RBFOX1: variants seen among roughly 807,000 people sequenced by gnomAD.
The protein encoded by RBFOX1 is RNA binding protein fox-1 homolog 1.
RBFOX1 carries 8 observed loss-of-function variants against 57.7 expected under a neutral mutation model. The ratio of observed to expected loss-of-function variants is 0.14; its 90% CI spans 0.08 to 0.25. RBFOX1 has a LOEUF of 0.25. Among genes scored for constraint, RBFOX1 ranks in the 10% least tolerant of loss-of-function variants. RBFOX1 has a pLI of 1.00. For missense variants in RBFOX1, 611 were observed against 548.5 expected, an observed-to-expected ratio of 1.11 and a Z score of -1.14; for synonymous variants, 326 against 222.4, an observed-to-expected ratio of 1.47 and a Z score of -4.15.
rs138608542 is a variant in RBFOX1, at chr16:5,969,946, T to C, written c.351+102611T>C. 2.6e-5 allele frequency among the ~76,000 whole-genome samples: 4 copies of C among 152,204 alleles called. No individual in the cohort carries two copies. In the East Asian group the frequency reaches 7.8e-4, roughly 30 times the overall value. ...TGGAGTTTGAACGTTTGCAGGGAGT[T>C]GACCACATCTGTTGCTTCGCAGCTC... is the stretch of plus-strand genomic sequence containing the variant. On this transcript the variant is annotated intron_variant, in intron 4 of 19. Coordinates refer to the RBFOX1 transcript ENST00000641259.
intron 7 of RBFOX1, 67 bp downstream of exon 7, chr16:7,587,367 A>G: frequency 5.6e-6 from 8 of 1,419,092 alleles, no homozygotes; most frequent in Non-Finnish European, 6.5e-6. Flanking sequence ...AATAAGGGGA[A>G]ACAACTGCAC....
intron 3 of RBFOX1, among the ~76,000 whole-genome samples, chr16:6,894,114 A>G (rs2066181179): frequency 6.6e-6 from 1 of 152,238 alleles, no homozygotes; most frequent in Non-Finnish European, 1.5e-5. Flanking sequence ...AGATACAAAC[A>G]TACATAGATT....
chr16:5,778,708 C>A (rs1329705898), intron 3 of RBFOX1, among the ~76,000 whole-genome samples: 1 of 152,138 alleles, frequency 6.6e-6, no homozygotes, highest in Non-Finnish European at 1.5e-5. Context: ...GTGGGGATCC[C>A]TTCTTCACTA....
chr16:6,450,790 CATATATATATGTATATATATAT>C (rs1263087753), intron 2 of RBFOX1, among the ~76,000 whole-genome samples: 3 of 35,142 alleles, frequency 8.5e-5, no homozygotes, highest in East Asian at 6.9e-4. Context: ...TATATATATA[CATATATATATGTATATATATAT>C]ATATACATAT....
chr16:6,510,240 C>G (rs960315892), intron 2 of RBFOX1, among the ~76,000 whole-genome samples: 1 of 152,106 alleles, frequency 6.6e-6, no homozygotes, highest in Non-Finnish European at 1.5e-5. Context: ...ATTGAACAGC[C>G]ACACCGGAAC....
At chr16:7,005,546 C>T (rs1250855971) in intron 3 of RBFOX1, among the ~76,000 whole-genome samples, 1 of 152,132 alleles carries the variant, frequency 6.6e-6, no homozygotes, top group East Asian at 1.9e-4. Context: ...TAATTTTTAT[C>T]TTGAGAAATG....
At chr16:6,785,169 C>T (rs149908939) in intron 3 of RBFOX1, among the ~76,000 whole-genome samples, 10 of 152,166 alleles carry the variant, frequency 6.6e-5, no homozygotes, top group Middle Eastern at 3.4e-3. Context: ...AAGAGATCTA[C>T]GAGATCTGGT....
intron 3 of RBFOX1, among the ~76,000 whole-genome samples, chr16:6,698,070 A>T (rs1205968504): frequency 1.1e-4 from 16 of 152,180 alleles, no homozygotes; most frequent in Admixed American, 1.0e-3. Context: ...CTGTCTGTGA[A>T]TTTGGAGTTA....
At chr16:7,417,921 C>G (rs1484776016) in intron 4 of RBFOX1, among the ~76,000 whole-genome samples, 1 of 152,120 alleles carries the variant, frequency 6.6e-6, no homozygotes, top group Non-Finnish European at 1.5e-5. Context: ...GTTGAGACTT[C>G]TGGATTAGGT....
At chr16:7,456,663 C>G (rs2058570226) in intron 4 of RBFOX1, among the ~76,000 whole-genome samples, 1 of 152,152 alleles carries the variant, frequency 6.6e-6, no homozygotes, top group Non-Finnish European at 1.5e-5. Context: ...TTTCTTGCCT[C>G]AGCATCACCC....
chr16:6,600,575 G>T (rs1601118592), intron 2 of RBFOX1, among the ~76,000 whole-genome samples: 1 of 152,140 alleles, frequency 6.6e-6, no homozygotes, highest in African/African-American at 2.4e-5. Flanking sequence ...TACTACAAAA[G>T]ACCGTTAATA....
intron 3 of RBFOX1, among the ~76,000 whole-genome samples, chr16:5,632,218 G>GT (rs1301354646): frequency 3.9e-5 from 6 of 152,184 alleles, no homozygotes; most frequent in Admixed American, 3.9e-4. Flanking sequence ...TTCTGTATTA[G>GT]AGACGATGTC....
chr16:7,515,108 C>G (rs562173193), intron 4 of RBFOX1, among the ~76,000 whole-genome samples: 1 of 152,300 alleles, frequency 6.6e-6, no homozygotes, highest in African/African-American at 2.4e-5. Flanking sequence ...CAGTGAATTT[C>G]TCATCAGATG....
chr16:7,000,598 T>TTTTTC (rs2092700772), intron 3 of RBFOX1, among the ~76,000 whole-genome samples: 1 of 68,304 alleles, frequency 1.5e-5, no homozygotes, highest in African/African-American at 6.8e-5. Flanking sequence ...TTTTCTTTCT[T>TTTTTC]TTTTTTTTTT....
At chr16:7,639,931 C>G (rs1019291019) in intron 11 of RBFOX1, among the ~76,000 whole-genome samples, 1 of 152,170 alleles carries the variant, frequency 6.6e-6, no homozygotes, top group Non-Finnish European at 1.5e-5. Context: ...CAGCTACCCC[C>G]CACCCACCAA....
intron 4 of RBFOX1, among the ~76,000 whole-genome samples, chr16:7,319,690 G>A (rs927336132): frequency 1.3e-5 from 2 of 152,128 alleles, no homozygotes; most frequent in African/African-American, 4.8e-5. Flanking sequence ...TAGATTTCCA[G>A]GGTTCCTTAC....
intron 3 of RBFOX1, among the ~76,000 whole-genome samples, chr16:6,859,816 C>T (rs969095733): frequency 1.3e-5 from 2 of 150,728 alleles, no homozygotes; most frequent in East Asian, 3.9e-4. Flanking sequence ...ATTTTTTCTG[C>T]CATTCTTGTT....
chr16:7,212,600 C>G (rs1270485826), intron 4 of RBFOX1, among the ~76,000 whole-genome samples: 1 of 151,768 alleles, frequency 6.6e-6, no homozygotes, highest in Non-Finnish European at 1.5e-5. Context: ...AGGCTGAGAA[C>G]TCTCATATAA....
At chr16:6,640,879 C>G (rs2098482207) in intron 2 of RBFOX1, among the ~76,000 whole-genome samples, 1 of 152,088 alleles carries the variant, frequency 6.6e-6, no homozygotes, top group South Asian at 2.1e-4. Flanking sequence ...CCAAAACAAG[C>G]AACATGAACA....
Sources: gnomAD v4.1 joint callset for allele counts (sites outside exome capture counted in the v4.1 genomes callset) on GRCh38, gnomAD v4.1.1 for gene constraint, MANE v1.5 for transcripts, NCBI Gene and HGNC (gene_info 2026-07-23, HGNC 2026-07-21) for gene names.